The following PITPNC1 variants were observed in gnomAD, a reference collection of about 807,000 sequenced individuals.
PITPNC1 encodes the protein phosphatidylinositol transfer protein cytoplasmic 1.
Under a neutral mutation model 44.7 loss-of-function variants are expected in PITPNC1, and 18 were observed. The observed-to-expected ratio is 0.40, with a 90% CI of 0.28 to 0.60. PITPNC1 has a LOEUF of 0.60. Ranked by LOEUF, PITPNC1 falls within the 20% of genes least tolerant of loss-of-function variation. PITPNC1 has a pLI of 0.39. For missense variants in PITPNC1, 290 were observed against 418.4 expected (o/e 0.69, Z 2.68); for synonymous variants, 141 against 149.6 (o/e 0.94, Z 0.42).
intron 2 of PITPNC1, among the ~76,000 whole-genome samples, chr17:67,544,933 G>T (rs1466919735): frequency 2.0e-5 from 3 of 152,082 alleles, no homozygotes; most frequent in Non-Finnish European, 4.4e-5. Context: ...TGACCAAATA[G>T]CTCATTTTCA....
chr17:67,636,281 CAAAAAAA>C (rs4020398), intron 6 of PITPNC1, among the ~76,000 whole-genome samples: 17 of 77,350 alleles, frequency 2.2e-4, no homozygotes, highest in African/African-American at 6.6e-4. Context: ...GACTCCGTTT[CAAAAAAA>C]AAAAAAAAAA....
chr17:67,630,983 A>G (rs1392186764), intron 5 of PITPNC1, among the ~76,000 whole-genome samples: 1 of 151,678 alleles, frequency 6.6e-6, no homozygotes, highest in African/African-American at 2.4e-5. Flanking sequence ...AAGCGCTGCG[A>G]TTACAGGCAT....
At chr17:67,681,169 C>T (rs1330875341) in intron 8 of PITPNC1, among the ~76,000 whole-genome samples, 3 of 152,160 alleles carry the variant, frequency 2.0e-5, no homozygotes, top group African/African-American at 7.2e-5. Context: ...ATCTTGCCTC[C>T]ACTTCCTGTG....
chr17:67,595,600 T>C (rs2041450492), intron 5 of PITPNC1, among the ~76,000 whole-genome samples: 1 of 152,222 alleles, frequency 6.6e-6, no homozygotes, highest in Non-Finnish European at 1.5e-5. Context: ...CCCCTACTTG[T>C]ACACAGGGCT....
At position 67,629,001 on chromosome 17, in the gene PITPNC1, G is replaced by A. The variant is rs2041930935; in HGVS notation, c.367-3142G>A. ...TCCAGTCCATGATCTCAGAGCAGAG[G>A]CATAAGGGCGACTTTGGAGCTAAGG... On this transcript the variant is annotated intron_variant, in intron 5 of 8. Transcript: ENST00000581322. 2.6e-5 allele frequency among the ~76,000 whole-genome samples: 4 copies of A among 152,270 alleles called. No homozygotes were observed. The South Asian group carries it at 8.3e-4, about 32-fold the overall frequency.
intron 1 of PITPNC1, among the ~76,000 whole-genome samples, chr17:67,478,390 G>T (rs545092305): frequency 6.6e-6 from 1 of 152,108 alleles, no homozygotes; most frequent in African/African-American, 2.4e-5. Context: ...TTTGGGTAGC[G>T]CCTAAAAGAG....
At chr17:67,536,629 A>G (rs1375920822) in intron 2 of PITPNC1, among the ~76,000 whole-genome samples, 1 of 152,236 alleles carries the variant, frequency 6.6e-6, no homozygotes, top group African/African-American at 2.4e-5. Context: ...AACTTGATCA[A>G]TCCACAGAGG....
At chr17:67,514,590 T>G (rs897376183) in intron 1 of PITPNC1, among the ~76,000 whole-genome samples, 3 of 149,650 alleles carry the variant, frequency 2.0e-5, no homozygotes, top group Non-Finnish European at 3.0e-5. Context: ...TTTGGGAGGC[T>G]GAGGCAGACA....
At chr17:67,507,298 G>A (rs1270558256) in intron 1 of PITPNC1, among the ~76,000 whole-genome samples, 5 of 152,170 alleles carry the variant, frequency 3.3e-5, no homozygotes, top group African/African-American at 9.7e-5. Flanking sequence ...AGTCAAGGCC[G>A]AGTCCGAGAG....
chr17:67,386,157 G>A (rs921912872), intron 1 of PITPNC1, among the ~76,000 whole-genome samples: 3 of 152,170 alleles, frequency 2.0e-5, no homozygotes, highest in African/African-American at 7.2e-5. Flanking sequence ...GGCGAATGGA[G>A]AATATTATTT....
At chr17:67,536,841 T>A (rs1031654602) in intron 2 of PITPNC1, among the ~76,000 whole-genome samples, 94 of 152,194 alleles carry the variant, frequency 6.2e-4, no homozygotes, top group Non-Finnish European at 4.4e-5. Flanking sequence ...AGGAGCTATC[T>A]ATGCTATTCA....
Position 67,514,553 on chromosome 17 carries a change from G to A in PITPNC1, c.49-18249G>A, listed in dbSNP as rs184394122. Among the ~76,000 whole-genome samples the A allele has an allele frequency of 8.6e-4, 130 of 151,450 alleles. 1 individual carries two copies. Among genetic ancestry groups the A allele is most frequent in the Admixed American group, 8.0e-3 (121 of 15,204 alleles). ...GTGAAAGTCAAGGGAAGCCGGGTGC[G>A]GTGGCTTATGCCTGTAATCCCAGCA... On this transcript the variant is annotated intron_variant, in intron 1 of 8. Coordinates refer to ENST00000581322, the MANE Select transcript of PITPNC1 (RefSeq NM_012417.4).
At chr17:67,413,746 C>A (rs2038544539) in intron 1 of PITPNC1, among the ~76,000 whole-genome samples, 1 of 152,166 alleles carries the variant, frequency 6.6e-6, no homozygotes, top group African/African-American at 2.4e-5. Context: ...AACCCCAAAT[C>A]ATTGATGTTG....
At chr17:67,530,477 T>G (rs1246617809) in intron 1 of PITPNC1, among the ~76,000 whole-genome samples, 2 of 152,100 alleles carry the variant, frequency 1.3e-5, no homozygotes, top group Admixed American at 1.3e-4. Flanking sequence ...TTCCCTTTAT[T>G]ATAAGGACAC....
chr17:67,578,088 C>A, intron 4 of PITPNC1, 98 bp from the exon 5 acceptor site: 1 of 827,484 alleles, frequency 1.2e-6, no homozygotes, highest in Non-Finnish European at 2.1e-6. Context: ...CGGGACGGTG[C>A]TTGCAACCAA....
In PITPNC1 at chr17:67,532,698, CAGA is replaced by C. The variant is rs1467160479; in HGVS notation, c.49-101_49-99del. On this transcript the variant is annotated intron_variant, in intron 1 of 8. Coordinates refer to ENST00000581322, the MANE Select transcript of PITPNC1 (RefSeq NM_012417.4). ...CCATGTGGCTGCCTTCTCTTCTCAG[CAGA>C]AGGTGCTGATGTTATTAGTGGCTTG... 3.5e-6 allele frequency: 3 copies of C among 856,588 alleles called. No homozygotes were observed. In the East Asian group the frequency reaches 8.1e-5, roughly 23 times the overall value. The allele number at this position is 856,588 out of a possible 1,614,324, so 53.1% of individuals were successfully genotyped here.
At chr17:67,656,758 G>A (rs1328007152) in intron 6 of PITPNC1, among the ~76,000 whole-genome samples, 1 of 152,038 alleles carries the variant, frequency 6.6e-6, no homozygotes, top group Non-Finnish European at 1.5e-5. Flanking sequence ...TGAAGGTTGA[G>A]GTTTATAAAC....
intron 1 of PITPNC1, among the ~76,000 whole-genome samples, chr17:67,397,917 C>T (rs986645095): frequency 6.6e-6 from 1 of 152,020 alleles, no homozygotes; most frequent in Non-Finnish European, 1.5e-5. Context: ...CATGGTGAAA[C>T]CCTGTCTCGA....
intron 8 of PITPNC1, among the ~76,000 whole-genome samples, chr17:67,684,019 GT>G (rs2042765621): frequency 6.7e-6 from 1 of 148,892 alleles, no homozygotes; most frequent in Non-Finnish European, 1.5e-5. Flanking sequence ...AGGGGATTAT[GT>G]TTCTAGAGTG....
Sources: allele counts gnomAD v4.1 joint callset (sites outside exome capture counted in the v4.1 genomes callset), GRCh38; gene constraint gnomAD v4.1.1; transcripts MANE v1.5; gene names NCBI Gene and HGNC (gene_info 2026-07-23, HGNC 2026-07-21).